Variants in BMPR2 observed in about 807,000 individuals in gnomAD.
The protein encoded by BMPR2 is bone morphogenetic protein receptor type 2, also known as bone morphogenetic protein receptor type-2.
A neutral mutation model predicts 100.8 loss-of-function variants in BMPR2; 29 were observed. The ratio of observed to expected loss-of-function variants is 0.29; its 90% confidence interval spans 0.21 to 0.39. The LOEUF is 0.39. Among genes scored for constraint, BMPR2 ranks in the 10% least tolerant of loss-of-function variants. BMPR2 has a pLI of 1.00. For missense variants in BMPR2, 1,011 were observed against 1,274.5 expected (o/e 0.79, Z 3.15); for synonymous variants, 382 against 442.3 (o/e 0.86, Z 1.71).
intron 1 of BMPR2, among the ~76,000 whole-genome samples, chr2:202,378,881 G>A (rs1486503476): frequency 6.6e-6 from 1 of 152,102 alleles, no homozygotes; most frequent in East Asian, 1.9e-4. Flanking sequence ...AACGTTCCAT[G>A]AGCAGAAATC....
intron 3 of BMPR2, among the ~76,000 whole-genome samples, chr2:202,471,554 A>T (rs962059233): frequency 4.6e-5 from 7 of 152,194 alleles, no homozygotes; most frequent in Non-Finnish European, 7.3e-5. Flanking sequence ...AAGAATGCAT[A>T]ACCTGAATTT....
intron 1 of BMPR2, among the ~76,000 whole-genome samples, chr2:202,397,776 A>G (rs1690682526): frequency 6.6e-6 from 1 of 151,144 alleles, no homozygotes; most frequent in Non-Finnish European, 1.5e-5. Context: ...CTGGGATTAT[A>G]GACGTGAGCC....
At chr2:202,534,826 G>T in intron 9 of BMPR2, among the ~76,000 whole-genome samples, 1 of 137,980 alleles carries the variant, frequency 7.2e-6, no homozygotes, top group East Asian at 2.3e-4. Context: ...CTCACCTCCC[G>T]GACGGGGCGG....
intron 3 of BMPR2, chr2:202,475,158 GTGT>G: frequency 6.6e-6 from 1 of 151,884 alleles, no homozygotes; most frequent in South Asian, 2.1e-4. Flanking sequence ...TTTTTGTTTT[GTGT>G]TGTTGTTTTT....
intron 3 of BMPR2, among the ~76,000 whole-genome samples, chr2:202,477,884 G>A (rs1274468070): frequency 6.6e-6 from 1 of 152,180 alleles, no homozygotes; most frequent in Non-Finnish European, 1.5e-5. Context: ...ATTTGTAAAA[G>A]TGTTTAGCAA....
At chr2:202,554,387 C>T (rs1277848641) in intron 11 of BMPR2, among the ~76,000 whole-genome samples, 1 of 152,158 alleles carries the variant, frequency 6.6e-6, no homozygotes, top group Non-Finnish European at 1.5e-5. Context: ...CTTCTGCATG[C>T]ATCTTCTCAT....
chr2:202,517,646 G>A (rs1037800433), intron 5 of BMPR2, among the ~76,000 whole-genome samples: 2 of 151,592 alleles, frequency 1.3e-5, no homozygotes, highest in African/African-American at 2.4e-5. Context: ...CACCACGCCC[G>A]GCCTCAGTTA....
chr2:202,542,755 A>G lies in BMPR2; in HGVS notation c.1413+308A>G, dbSNP rs547963823. Reference sequence around the variant, plus strand: ...ATATTTTAAATATTATTGAAATTCTATCTTACTCTCTTGAGAATAGTACCA... The same window carrying G: ...ATATTTTAAATATTATTGAAATTCTGTCTTACTCTCTTGAGAATAGTACCA... On this transcript the variant is annotated intron_variant, in intron 10 of 12. Transcript: ENST00000374580. Among the ~76,000 whole-genome samples, 6 of 152,306 alleles carry G rather than the reference A, an allele frequency of 3.9e-5. No individual in the cohort carries two copies. In the South Asian group the frequency reaches 8.3e-4, roughly 21 times the overall value.
In BMPR2 at chr2:202,517,414, G is replaced by A. The variant is rs191670022; in HGVS notation, c.622-1408G>A. 3.2e-3 allele frequency among the ~76,000 whole-genome samples: 482 copies of A among 150,110 alleles called. 2 individuals are homozygous for A. The highest frequency in any genetic ancestry group is 0.011 in the African/African-American group (464 of 40,838). On this transcript the variant is annotated intron_variant, in intron 5 of 12. Transcript: ENST00000374580. ...GGGGTCACCGCAACCTCTGCCTCCC[G>A]GTTTCAAGTGATTCTCCAGCCTCAG...
chr2:202,443,243 T>C (rs1407516269), intron 1 of BMPR2, among the ~76,000 whole-genome samples: 1 of 150,784 alleles, frequency 6.6e-6, no homozygotes, highest in Non-Finnish European at 1.5e-5. Flanking sequence ...CTGACTAATA[T>C]AATGGCTGTG....
intron 1 of BMPR2, among the ~76,000 whole-genome samples, chr2:202,456,405 C>G (rs1330050367): frequency 6.6e-6 from 1 of 151,886 alleles, no homozygotes; most frequent in Non-Finnish European, 1.5e-5. Flanking sequence ...GTCTTAAACT[C>G]CTGACCTCAT....
chr2:202,390,424 C>G (rs918318881), intron 1 of BMPR2, among the ~76,000 whole-genome samples: 1 of 151,744 alleles, frequency 6.6e-6, no homozygotes, highest in Non-Finnish European at 1.5e-5. Flanking sequence ...CCTCTGCCTC[C>G]CAGGTTCAAG....
intron 1 of BMPR2, among the ~76,000 whole-genome samples, chr2:202,430,498 G>C (rs1691481230): frequency 6.6e-6 from 1 of 152,144 alleles, no homozygotes; most frequent in Admixed American, 6.6e-5. Context: ...ATTATAGGAT[G>C]GGATTAATGA....
At chr2:202,437,855 T>G (rs1278191752) in intron 1 of BMPR2, among the ~76,000 whole-genome samples, 3 of 150,874 alleles carry the variant, frequency 2.0e-5, no homozygotes, top group Admixed American at 6.6e-5. Flanking sequence ...ATTTCCTTTA[T>G]CCTTTCATCA....
chr2:202,547,790 A>C (rs146787580), intron 10 of BMPR2, among the ~76,000 whole-genome samples: 14,461 of 149,494 alleles, frequency 0.097, 942 homozygotes, highest in South Asian at 0.25. Context: ...ACAAAAAAAA[A>C]AAAAAAAAAA....
At chr2:202,425,707 A>C (rs1691370979) in intron 1 of BMPR2, among the ~76,000 whole-genome samples, 2 of 152,258 alleles carry the variant, frequency 1.3e-5, no homozygotes, top group Admixed American at 6.5e-5. Context: ...TGAAAAAATA[A>C]ATCTTATTTA....
chr2:202,399,021 G>A (rs1203672001), intron 1 of BMPR2, among the ~76,000 whole-genome samples: 5 of 152,082 alleles, frequency 3.3e-5, no homozygotes. Context: ...CTAGCTACTC[G>A]GGAGGCTGAG....
chr2:202,430,609 C>A (rs199723699), intron 1 of BMPR2, among the ~76,000 whole-genome samples: 1 of 152,112 alleles, frequency 6.6e-6, no homozygotes, highest in East Asian at 1.9e-4. Flanking sequence ...TTTTGCCTAG[C>A]TTGCCAACTG....
At chr2:202,522,822 A>G (rs2106010888) in intron 7 of BMPR2, among the ~76,000 whole-genome samples, 1 of 152,158 alleles carries the variant, frequency 6.6e-6, no homozygotes, top group African/African-American at 2.4e-5. Context: ...AGAGTGAGAC[A>G]TCGTCTAAAA....
Sources: gnomAD v4.1 joint callset for allele counts (sites outside exome capture counted in the v4.1 genomes callset) on GRCh38, gnomAD v4.1.1 for gene constraint, MANE v1.5 for transcripts, NCBI Gene and HGNC (gene_info 2026-07-23, HGNC 2026-07-21) for gene names.